ANKFN1: variants seen among roughly 807,000 people sequenced by gnomAD.
ANKFN1 encodes the protein ankyrin repeat and fibronectin type III domain containing 1, also known as ankyrin repeat and fibronectin type-III domain-containing protein 1.
Under a neutral mutation model 108.7 loss-of-function variants are expected in ANKFN1, and 74 were observed. The observed-to-expected ratio is 0.68, with a 90% CI of 0.56 to 0.83. ANKFN1 has a LOEUF of 0.83. Ranked by LOEUF, ANKFN1 falls within the 40% of genes least tolerant of loss-of-function variation. The pLI is 0.00. For synonymous variants in ANKFN1, 547 were observed against 516.2 expected (o/e 1.06, Z -0.81); for missense variants, 1,505 against 1,382.3 (o/e 1.09, Z -1.41).
intron 4 of ANKFN1, among the ~76,000 whole-genome samples, chr17:56,122,041 A>G (rs1003970963): frequency 6.6e-5 from 10 of 152,190 alleles, no homozygotes; most frequent in Non-Finnish European, 1.5e-4. Flanking sequence ...CTGCTAGCTG[A>G]AGATCAGAGC....
At chr17:56,159,440 G>A (rs569437571) in intron 1 of ANKFN1, among the ~76,000 whole-genome samples, 1 of 152,304 alleles carries the variant, frequency 6.6e-6, no homozygotes, top group East Asian at 1.9e-4. Context: ...TAGTACTTCT[G>A]TGAGTTCTGA....
chr17:56,161,489 A>G (rs1055613045), intron 1 of ANKFN1, among the ~76,000 whole-genome samples: 4 of 152,216 alleles, frequency 2.6e-5, no homozygotes, highest in Non-Finnish European at 5.9e-5. Flanking sequence ...TTTAAATGAA[A>G]TTTGCTTGAG....
rs151098852 is a variant in ANKFN1, at chr17:56,510,428, T to C, written c.2645-45T>C. On this transcript the variant is annotated intron_variant, in intron 20 of 20. Coordinates refer to ENST00000682825, the MANE Select transcript of ANKFN1 (RefSeq NM_001370326.1). ...GTTCCTATGCCTGTGAAGCAGGCTC[T>C]AGCTAAGACTATATTTTTCCTAACC... The C allele has an allele frequency of 2.5e-5, 37 of 1,486,400 alleles. No homozygotes were observed. The African/African-American group carries it at 4.6e-4, about 18-fold the overall frequency. 92.1% of individuals were successfully genotyped at this position (1,486,400 alleles called of 1,614,324 possible). A position where few individuals can be genotyped will look rare whatever the true frequency, so the allele number is the denominator to read the frequency against.
intron 8 of ANKFN1, among the ~76,000 whole-genome samples, chr17:56,424,090 A>T (rs1033711194): frequency 6.6e-6 from 1 of 152,210 alleles, no homozygotes; most frequent in Non-Finnish European, 1.5e-5. Context: ...ATCCTTCTAA[A>T]TATAGATGCT....
intron 8 of ANKFN1, among the ~76,000 whole-genome samples, chr17:56,428,556 G>A (rs558413882): frequency 2.0e-5 from 3 of 149,944 alleles, no homozygotes; most frequent in Middle Eastern, 3.4e-3. Flanking sequence ...TCCGCCTCCC[G>A]GGTTCAAATG....
intron 6 of ANKFN1, among the ~76,000 whole-genome samples, chr17:56,370,934 G>A (rs979971476): frequency 6.6e-5 from 9 of 135,606 alleles, no homozygotes; most frequent in East Asian, 2.6e-4. Context: ...GTGTGCGCCC[G>A]CGTGTGTGTA....
At chr17:56,253,636 C>T (rs1016039468) in intron 3 of ANKFN1, among the ~76,000 whole-genome samples, 3 of 152,088 alleles carry the variant, frequency 2.0e-5, no homozygotes, top group Non-Finnish European at 2.9e-5. Flanking sequence ...ATTTAGGAGG[C>T]CAAGGCACGA....
rs957426243 is a variant in ANKFN1 at position 56,064,427 on chromosome 17, C to T, written c.288+18102C>T. ...CTGGGTTCTGTCCCTGAGCCTCTGGCTGGAGTTATCGGAGTCCCTGCAGGG... is the reference window on the plus strand; with the variant it reads ...CTGGGTTCTGTCCCTGAGCCTCTGGTTGGAGTTATCGGAGTCCCTGCAGGG... On this transcript the variant is annotated intron_variant, in intron 4 of 12. Coordinates refer to the ANKFN1 transcript ENST00000635860. 2.0e-5 allele frequency among the ~76,000 whole-genome samples: 3 copies of T among 152,314 alleles called. No individual in the cohort carries two copies. The East Asian group carries it at 5.8e-4, about 29-fold the overall frequency.
At chr17:56,059,444 C>A (rs1209006123) in intron 4 of ANKFN1, among the ~76,000 whole-genome samples, 2 of 152,140 alleles carry the variant, frequency 1.3e-5, no homozygotes, top group African/African-American at 4.8e-5. Context: ...AATTAGATCC[C>A]ATTTGTCAAT....
intron 8 of ANKFN1, among the ~76,000 whole-genome samples, chr17:56,431,243 T>C (rs1469503575): frequency 6.6e-6 from 1 of 152,192 alleles, no homozygotes; most frequent in African/African-American, 2.4e-5. Flanking sequence ...ATGCCACTTG[T>C]TAAATGGATA....
intron 15 of ANKFN1, chr17:56,472,703 A>G (rs962174297): frequency 6.6e-6 from 1 of 152,262 alleles, no homozygotes; most frequent in African/African-American, 2.4e-5. Context: ...AGGTAATACA[A>G]GACAGAATTA....
chr17:56,484,859 T>A (rs2050809533), intron 18 of ANKFN1, among the ~76,000 whole-genome samples: 1 of 152,204 alleles, frequency 6.6e-6, no homozygotes, highest in African/African-American at 2.4e-5. Context: ...TCCCCATGCC[T>A]CAATGGCTTT....
At chr17:56,198,429 T>G (rs1188210528) in intron 1 of ANKFN1, among the ~76,000 whole-genome samples, 1 of 152,040 alleles carries the variant, frequency 6.6e-6, no homozygotes, top group African/African-American at 2.4e-5. Flanking sequence ...GCTCAGGCAG[T>G]AATATGAGTG....
chr17:56,423,374 G>T (rs534211766), intron 8 of ANKFN1, among the ~76,000 whole-genome samples: 126 of 152,314 alleles, frequency 8.3e-4, no homozygotes, highest in African/African-American at 2.9e-3. Flanking sequence ...GCAGCTCGCT[G>T]ATTTGAAATA....
At chr17:56,473,934 T>C (rs1445301488) in intron 15 of ANKFN1, among the ~76,000 whole-genome samples, 1 of 152,158 alleles carries the variant, frequency 6.6e-6, no homozygotes, top group Non-Finnish European at 1.5e-5. Flanking sequence ...CCCCCACATG[T>C]TTTTCTGTGA....
At chr17:56,468,467 C>CACTT (rs2050207619) in intron 15 of ANKFN1, among the ~76,000 whole-genome samples, 4 of 151,406 alleles carry the variant, frequency 2.6e-5, no homozygotes, top group Admixed American at 1.3e-4. Context: ...TTGTATAGGA[C>CACTT]ACTTAGGTTA....
intron 4 of ANKFN1, among the ~76,000 whole-genome samples, chr17:56,069,046 T>C (rs1727716692): frequency 6.6e-6 from 1 of 152,222 alleles, no homozygotes; most frequent in Non-Finnish European, 1.5e-5. Context: ...TGCCTCATTA[T>C]TGTGTAATTG....
At chr17:56,280,964 A>G (rs1598347182) in intron 3 of ANKFN1, among the ~76,000 whole-genome samples, 1 of 152,268 alleles carries the variant, frequency 6.6e-6, no homozygotes, top group South Asian at 2.1e-4. Flanking sequence ...GGTTTTAAAA[A>G]GGGGAGTTTC....
At chr17:56,072,344 A>G (rs1355924228) in intron 4 of ANKFN1, among the ~76,000 whole-genome samples, 1 of 152,150 alleles carries the variant, frequency 6.6e-6, no homozygotes, top group Non-Finnish European at 1.5e-5. Flanking sequence ...GAAGGCACAC[A>G]TAGTATAGCG....
Sources: gnomAD v4.1 joint callset for allele counts (sites outside exome capture counted in the v4.1 genomes callset) on GRCh38, gnomAD v4.1.1 for gene constraint, MANE v1.5 for transcripts, NCBI Gene and HGNC (gene_info 2026-07-23, HGNC 2026-07-21) for gene names.